The following MOCS1 variants were observed in gnomAD, a reference collection of about 807,000 sequenced individuals.
MOCS1 encodes the protein molybdenum cofactor synthesis 1, also known as molybdenum cofactor biosynthesis protein 1.
Under a neutral mutation model 57.6 loss-of-function variants are expected in MOCS1, and 39 were observed. That is an observed-to-expected ratio of 0.68 (90% CI 0.52 to 0.88). MOCS1 has a LOEUF of 0.88. MOCS1 is among the 40% of genes least tolerant of loss of function. MOCS1 has a pLI of 0.00. For synonymous variants in MOCS1, 334 were observed against 335.7 expected, an observed-to-expected ratio of 1.00 and a Z score of 0.05; for missense variants, 795 against 831.1, an observed-to-expected ratio of 0.96 and a Z score of 0.53.
intron 5 of MOCS1, 104 bp from the exon 6 acceptor site, chr6:39,913,532 C>A: frequency 9.6e-7 from 1 of 1,042,170 alleles, no homozygotes; most frequent in Non-Finnish European, 1.5e-6. Context: ...ACTCAGGGAC[C>A]CATTCCTTGC....
In MOCS1 at chr6:39,906,267, CTG is replaced by C. The variant is rs780027655; in HGVS notation, c.*88_*89del. 4 of 1,515,864 alleles carry C rather than the reference CTG, an allele frequency of 2.6e-6. No homozygotes were observed. Among genetic ancestry groups the C allele is most frequent in the Admixed American group, 3.3e-5 (2 of 59,902 alleles). 93.9% of individuals were successfully genotyped at this position (1,515,864 alleles called of 1,614,324 possible). A position where few individuals can be genotyped will look rare whatever the true frequency, so the allele number is the denominator to read the frequency against. ...ACTGCTCAAGGTAAACAAACAGTGACTGTGATTAAAGGAACCTGACGTCTTTC... is the reference window on the plus strand; with the variant it reads ...ACTGCTCAAGGTAAACAAACAGTGACTGATTAAAGGAACCTGACGTCTTTC... On this transcript the variant is annotated 3_prime_UTR_variant, in exon 11 of 11. Transcript: ENST00000340692.
intron 3 of MOCS1, among the ~76,000 whole-genome samples, chr6:39,924,735 C>T (rs1028143933): frequency 1.4e-4 from 21 of 152,250 alleles, no homozygotes; most frequent in African/African-American, 3.6e-4. Context: ...TTATAATTTT[C>T]GTGTGGTAGA....
chr6:39,906,878 G>A lies in MOCS1; in HGVS notation c.1390C>T (p.Pro464Ser). The A allele has an allele frequency of 1.2e-6, 2 of 1,614,194 alleles. No homozygotes were observed. The highest frequency in any genetic ancestry group is 1.7e-6 in the Non-Finnish European group (2 of 1,180,044). ...DSDANSKCLS[P>S]GSWASAAPSG... ...GGGGCAGCAGAAGCCCAGGAACCTG[G>A]GCTAAGGCACTTTGAGTTGGCATCT... Residue 464 changes from proline (P) to serine (S), a missense_variant, in exon 11 of 11, where the codon CCA becomes TCA. Coordinates refer to ENST00000340692, the MANE Select transcript of MOCS1 (RefSeq NM_001358530.2).
chr6:39,922,432 C>T (rs1181423696), intron 3 of MOCS1, among the ~76,000 whole-genome samples: 2 of 152,116 alleles, frequency 1.3e-5, no homozygotes, highest in African/African-American at 2.4e-5. Flanking sequence ...AGCTCATCAG[C>T]TATCGTTAGT....
intron 1 of MOCS1, among the ~76,000 whole-genome samples, chr6:39,931,331 T>G (rs1768632902): frequency 6.6e-6 from 1 of 152,086 alleles, no homozygotes; most frequent in Non-Finnish European, 1.5e-5. Flanking sequence ...CTCAAATAGC[T>G]CCAAAGTCTA....
chr6:39,905,075 TTAA>T lies in MOCS1; in HGVS notation c.*1279_*1281del. 1 of 454,300 alleles carries T rather than the reference TTAA, an allele frequency of 2.2e-6. No homozygotes were observed. The highest frequency in any genetic ancestry group is 4.4e-6 in the Non-Finnish European group (1 of 226,828). 28.1% of individuals were successfully genotyped at this position (454,300 alleles called of 1,614,324 possible). The stretch of plus-strand genomic sequence containing the variant: ...TTGTCTTTTCCAGAGAGCTGGTTGT[TTAA>T]TATTTGCCAGCACACCTTGGCATAG... On this transcript the variant is annotated 3_prime_UTR_variant, in exon 11 of 11. Transcript: ENST00000340692.
intron 3 of MOCS1, among the ~76,000 whole-genome samples, chr6:39,916,695 AG>A (rs1767678158): frequency 6.6e-6 from 1 of 152,230 alleles, no homozygotes; most frequent in African/African-American, 2.4e-5. Flanking sequence ...GCTATTTGAC[AG>A]CTCCATTCTA....
chr6:39,921,679 C>T (rs1767979419), intron 3 of MOCS1, among the ~76,000 whole-genome samples: 1 of 151,914 alleles, frequency 6.6e-6, no homozygotes, highest in Non-Finnish European at 1.5e-5. Context: ...TCAAGCTATA[C>T]TCTACAAGAA....
Position 39,906,306 on chromosome 6 carries a change from A to C in MOCS1, c.*51T>G. ...ACCTGACGTCTTTCCCTCAGCCTAC[A>C]TTGCATCCCAGCTCCAGGCCTGGGT... is the stretch of plus-strand genomic sequence containing the variant. On this transcript the variant is annotated 3_prime_UTR_variant, in exon 11 of 11. Coordinates refer to ENST00000340692, the MANE Select transcript of MOCS1 (RefSeq NM_001358530.2). 3.9e-5 allele frequency: 62 copies of C among 1,596,640 alleles called. No individual in the cohort carries two copies. The highest frequency in any genetic ancestry group is 5.0e-5 in the Non-Finnish European group (58 of 1,166,918).
At chr6:39,929,215 C>T (rs1478213372) in intron 1 of MOCS1, among the ~76,000 whole-genome samples, 1 of 152,188 alleles carries the variant, frequency 6.6e-6, no homozygotes, top group Non-Finnish European at 1.5e-5. Context: ...AAGCAGCAGT[C>T]ACTTCTCTAA....
rs772515216 is a variant in MOCS1, at chr6:39,925,684, T to C, written c.412A>G (p.Ile138Val). The C allele has an allele frequency of 3.7e-6, 6 of 1,612,794 alleles. No individual in the cohort carries two copies. In the South Asian group the frequency reaches 6.6e-5, roughly 18 times the overall value. Reference protein sequence around the residue: ...EPLIRPDVVDIVAQLQRLEGL... With the variant: ...EPLIRPDVVDVVAQLQRLEGL... ...TGACTTTCGTCCAACTCACCCACAA[T>C]GTCCACCACGTCCGGCCGGATAAGC... The change falls in exon 3 of 11, where the codon ATT (isoleucine) becomes GTT (valine). Residue 138 changes from isoleucine to valine, a missense_variant. Ile to Val is a conservative substitution (Grantham distance 29). Transcript: ENST00000340692.
chr6:39,906,019 G>A lies in MOCS1; in HGVS notation c.*338C>T. The A allele has an allele frequency of 1.9e-6, 1 of 518,382 alleles. No individual in the cohort carries two copies. The highest frequency in any genetic ancestry group is 3.7e-6 in the Non-Finnish European group (1 of 269,538). The allele number at this position is 518,382 out of a possible 1,614,324, so 32.1% of individuals were successfully genotyped here. On this transcript the variant is annotated 3_prime_UTR_variant, in exon 11 of 11. Transcript: ENST00000340692. ...CCCAAAATGAGAAGGAAAAGTTCTG[G>A]GCTGGACTGTCGGAACCTGGTTGTC...
chr6:39,915,580 G>A (rs1767609702), intron 4 of MOCS1, among the ~76,000 whole-genome samples: 1 of 152,128 alleles, frequency 6.6e-6, no homozygotes. Flanking sequence ...GTATGGCTGT[G>A]CCTGTAGTAG....
At chr6:39,931,993 C>T (rs992207697) in intron 1 of MOCS1, among the ~76,000 whole-genome samples, 1 of 152,152 alleles carries the variant, frequency 6.6e-6, no homozygotes, top group South Asian at 2.1e-4. Context: ...GACCCACACA[C>T]TACTCCTTTC....
intron 3 of MOCS1, among the ~76,000 whole-genome samples, chr6:39,918,280 G>A (rs1767775021): frequency 6.6e-6 from 1 of 152,176 alleles, no homozygotes; most frequent in South Asian, 2.1e-4. Flanking sequence ...CAAGAGAGAG[G>A]AAACCAAGAG....
chr6:39,911,318 C>T (rs1249628385), intron 8 of MOCS1, among the ~76,000 whole-genome samples: 3 of 152,160 alleles, frequency 2.0e-5, no homozygotes, highest in Admixed American at 1.3e-4. Flanking sequence ...CATCATCACC[C>T]TCCCACAATT....
chr6:39,905,840 C>A lies in MOCS1; in HGVS notation c.*517G>T, dbSNP rs1311131131. The A allele has an allele frequency of 6.4e-6, 3 of 470,874 alleles. No homozygotes were observed. In the East Asian group the frequency reaches 2.1e-4, roughly 33 times the overall value. 29.2% of individuals were successfully genotyped at this position (470,874 alleles called of 1,614,324 possible). The stretch of plus-strand genomic sequence containing the variant: ...GAAGTCAGGACAGGACAGGACAGGG[C>A]AGGGCTGCGGCTTCACAGACTTAGG... On this transcript the variant is annotated 3_prime_UTR_variant, in exon 11 of 11. Transcript: ENST00000340692.
chr6:39,934,437 A>T lies in MOCS1; in HGVS notation c.-20T>A. The T allele has an allele frequency of 6.5e-7, 1 of 1,542,008 alleles. No individual in the cohort carries two copies. On this transcript the variant is annotated 5_prime_UTR_variant, in exon 1 of 11. Coordinates refer to ENST00000340692, the MANE Select transcript of MOCS1 (RefSeq NM_001358530.2). ...CGCCATGAAGCCTGATACGAGCGGA[A>T]CCGCAGCCCGCTTCGGGAGCACACT...
rs1338063285 is a variant in MOCS1 at position 39,934,397 on chromosome 6, G to A, written c.21C>T (p.Ser7=). 1.3e-6 allele frequency: 2 copies of A among 1,565,600 alleles called. No homozygotes were observed. Among genetic ancestry groups the A allele is most frequent in the Non-Finnish European group, 1.7e-6 (2 of 1,160,588 alleles). Residue 7 remains serine (S), a synonymous_variant, in exon 1 of 11, where the codon TCC becomes TCT. Coordinates refer to ENST00000340692, the MANE Select transcript of MOCS1 (RefSeq NM_001358530.2). MAARPL[S]RMLRRLLRSS... The stretch of plus-strand genomic sequence containing the variant: ...ACCTCAGAAGCCGCCGCAGCATCCG[G>A]GACAGTGGCCGCGCCGCCATGAAGC...
Sources: allele counts gnomAD v4.1 joint callset (sites outside exome capture counted in the v4.1 genomes callset), GRCh38; gene constraint gnomAD v4.1.1; transcripts MANE v1.5; gene names NCBI Gene and HGNC (gene_info 2026-07-23, HGNC 2026-07-21).